Variants in NEO1 observed in about 807,000 individuals in gnomAD.
NEO1 encodes neogenin 1.
A neutral mutation model predicts 159.7 loss-of-function variants in NEO1; 63 were observed. That is an observed-to-expected ratio of 0.39 (90% confidence interval 0.32 to 0.49). The LOEUF (loss-of-function observed/expected upper bound fraction) is 0.49, where lower values mean the gene tolerates loss of function less well. Ranked by LOEUF, NEO1 falls within the 20% of genes least tolerant of loss-of-function variation. The pLI is 0.85. For synonymous variants in NEO1, 633 were observed against 662.0 expected, an observed-to-expected ratio of 0.96 and a Z score of 0.67; for missense variants, 1,615 against 1,831.0, an observed-to-expected ratio of 0.88 and a Z score of 2.15.
intron 5 of NEO1, among the ~76,000 whole-genome samples, chr15:73,142,276 C>T (rs758419108): frequency 6.6e-6 from 1 of 152,224 alleles, no homozygotes; most frequent in African/African-American, 2.4e-5. Flanking sequence ...CAGAGAGAGT[C>T]AAGTGGCAGA....
intron 7 of NEO1, among the ~76,000 whole-genome samples, chr15:73,193,778 T>C (rs2036369511): frequency 6.6e-6 from 1 of 151,748 alleles, no homozygotes; most frequent in African/African-American, 2.4e-5. Flanking sequence ...ATCTAAATAA[T>C]TATAATGCAA....
At chr15:73,271,674 T>C (rs568301340) in intron 18 of NEO1, among the ~76,000 whole-genome samples, 2 of 152,194 alleles carry the variant, frequency 1.3e-5, no homozygotes, top group Admixed American at 6.5e-5. Flanking sequence ...TGGGAGGCCA[T>C]GGTGGGCGGA....
chr15:73,208,779 C>G (rs1325468592), intron 7 of NEO1, among the ~76,000 whole-genome samples: 1 of 151,882 alleles, frequency 6.6e-6, no homozygotes, highest in Non-Finnish European at 1.5e-5. Context: ...GGAGGATCAC[C>G]CGAGCCCAGG....
At chr15:73,175,280 A>G (rs1205689062) in intron 5 of NEO1, among the ~76,000 whole-genome samples, 1 of 152,188 alleles carries the variant, frequency 6.6e-6, no homozygotes, top group Non-Finnish European at 1.5e-5. Flanking sequence ...TTTCATTCCT[A>G]CATACTAGCA....
At chr15:73,076,809 C>G (rs1459359652) in intron 1 of NEO1, among the ~76,000 whole-genome samples, 1 of 152,316 alleles carries the variant, frequency 6.6e-6, no homozygotes, top group Non-Finnish European at 1.5e-5. Context: ...TACCTTTCCT[C>G]TTTCTCACAA....
At chr15:73,289,121 A>T in intron 24 of NEO1, 25 bp from the exon 25 acceptor site, 1 of 1,605,274 alleles carries the variant, frequency 6.2e-7, no homozygotes, top group Admixed American at 1.7e-5. Flanking sequence ...CATGCTGGTA[A>T]CTAACCTCCA....
intron 2 of NEO1, among the ~76,000 whole-genome samples, chr15:73,122,063 GTATATATATATATATATA>G (rs200219694): frequency 2.4e-5 from 3 of 126,368 alleles, no homozygotes; most frequent in Non-Finnish European, 4.7e-5. Context: ...GTGTGTGTGT[GTATATATATATATATATA>G]TATATATATA....
intron 7 of NEO1, among the ~76,000 whole-genome samples, chr15:73,184,867 G>T (rs183322900): frequency 1.3e-5 from 2 of 152,290 alleles, no homozygotes; most frequent in Admixed American, 1.3e-4. Flanking sequence ...GGCGAAGGTT[G>T]CAGTGAGCCA....
At chr15:73,090,763 C>T (rs536289842) in intron 1 of NEO1, among the ~76,000 whole-genome samples, 58 of 152,274 alleles carry the variant, frequency 3.8e-4, no homozygotes, top group Admixed American at 3.5e-3. Context: ...TCCTGTTCCT[C>T]GTATCTTTAT....
intron 1 of NEO1, among the ~76,000 whole-genome samples, 180 bp downstream of exon 1, chr15:73,052,985 C>A (rs2067528574): frequency 1.3e-5 from 2 of 150,384 alleles, no homozygotes; most frequent in Admixed American, 6.6e-5. Flanking sequence ...CGAGAGGGGG[C>A]GCCACCGGGG....
At chr15:73,061,000 C>T (rs1218434414) in intron 1 of NEO1, among the ~76,000 whole-genome samples, 2 of 152,208 alleles carry the variant, frequency 1.3e-5, no homozygotes, top group African/African-American at 4.8e-5. Flanking sequence ...ATTATGCAAC[C>T]TACCTCCGGA....
chr15:73,257,346 A>C (rs1220698743), intron 13 of NEO1, among the ~76,000 whole-genome samples: 1 of 152,068 alleles, frequency 6.6e-6, no homozygotes, highest in African/African-American at 2.4e-5. Flanking sequence ...GTGTAAGCAA[A>C]ATAGAATTTT....
In NEO1 at chr15:73,138,416, C is replaced by G. The variant is rs561638974; in HGVS notation, c.1015+2389C>G. On this transcript the variant is annotated intron_variant, in intron 5 of 28. Transcript: ENST00000261908. ...GTTGAAAACACTTTTGGAATAAATA[C>G]TCAATAAAAGATATACCTGGGAAAT... Among the ~76,000 whole-genome samples, 5 of 152,272 alleles carry G rather than the reference C, an allele frequency of 3.3e-5. No homozygotes were observed. The South Asian group carries it at 1.0e-3, about 32-fold the overall frequency.
In NEO1 at chr15:73,116,722, C is replaced by T; in HGVS notation, c.313C>T (p.Pro105Ser). The T allele has an allele frequency of 6.2e-7, 1 of 1,613,906 alleles. No individual in the cohort carries two copies. Among genetic ancestry groups the T allele is most frequent in the South Asian group, 1.1e-5 (1 of 91,058 alleles). ...LVSDDRRQLL[P>S]DGSLFISNVV... ...ATCAGATGATCGACGCCAGCTTCTC[C>T]CGGATGGATCTTTATTTATCAGCAA... is the stretch of plus-strand genomic sequence containing the variant. The change falls in exon 2 of 29, where the codon CCG becomes TCG. Residue 105 changes from proline to serine, a missense_variant. By Grantham distance (74) the Pro-to-Ser change is moderately conservative. Around this residue, in one of 3 missense-constraint regions of NEO1, gnomAD observed 1,018 missense variants for 1,115.4 expected, o/e 0.91. Coordinates refer to ENST00000261908, the MANE Select transcript of NEO1 (RefSeq NM_002499.4).
chr15:73,214,335 G>A (rs1389138369), intron 7 of NEO1, among the ~76,000 whole-genome samples: 1 of 152,174 alleles, frequency 6.6e-6, no homozygotes, highest in Non-Finnish European at 1.5e-5. Flanking sequence ...TCTTGGTCAT[G>A]AAATCCTTGC....
At chr15:73,261,317 T>C (rs1001554235) in intron 15 of NEO1, among the ~76,000 whole-genome samples, 1 of 152,040 alleles carries the variant, frequency 6.6e-6, no homozygotes, top group African/African-American at 2.4e-5. Context: ...TCCTAAGGAA[T>C]CTACAAAAGG....
At chr15:73,086,583 T>G (rs2069370309) in intron 1 of NEO1, among the ~76,000 whole-genome samples, 1 of 143,224 alleles carries the variant, frequency 7.0e-6, no homozygotes, top group African/African-American at 2.6e-5. Flanking sequence ...TTTTTTGAGA[T>G]GGAGTCTCAC....
chr15:73,184,460 A>T lies in NEO1; in HGVS notation c.1291+6033A>T, dbSNP rs116256318. ...ACACACTCTTAACATCTGATCCAGCAGTTGCACTTCTTTGTATTTACCTGA... is the reference window on the plus strand; with the variant it reads ...ACACACTCTTAACATCTGATCCAGCTGTTGCACTTCTTTGTATTTACCTGA... On this transcript the variant is annotated intron_variant, in intron 7 of 28. Transcript: ENST00000261908. 9.8e-3 allele frequency among the ~76,000 whole-genome samples: 1,489 copies of T among 152,356 alleles called. 31 individuals are homozygous for T. The highest frequency in any genetic ancestry group is 0.034 in the African/African-American group (1,418 of 41,588).
intron 7 of NEO1, among the ~76,000 whole-genome samples, chr15:73,186,665 T>C (rs1045323306): frequency 6.6e-6 from 1 of 152,116 alleles, no homozygotes; most frequent in Non-Finnish European, 1.5e-5. Context: ...GCACCATGAA[T>C]TAAATAGTCA....
Sources: gnomAD v4.1 joint callset for allele counts (sites outside exome capture counted in the v4.1 genomes callset) on GRCh38, gnomAD v4.1.1 for gene constraint, gnomAD v4.1.1 regional missense constraint, MANE v1.5 for transcripts, NCBI Gene and HGNC (gene_info 2026-07-23, HGNC 2026-07-21) for gene names.